Variants in SHTN1 observed in about 807,000 individuals in gnomAD.
SHTN1 encodes the protein shootin-1.
Under a neutral mutation model 83.1 loss-of-function variants are expected in SHTN1, and 42 were observed. That is an observed-to-expected ratio of 0.51 (90% CI 0.39 to 0.65). The LOEUF is 0.65. Ranked by LOEUF, SHTN1 falls within the 30% of genes least tolerant of loss-of-function variation. SHTN1 has a pLI of 0.00. For synonymous variants in SHTN1, 224 were observed against 247.7 expected (o/e 0.90, Z 0.90); for missense variants, 622 against 737.8 (o/e 0.84, Z 1.82).
In SHTN1 at chr10:117,038,440, G is replaced by A. The variant is rs573434267; in HGVS notation, c.-123+10005C>T. 9.6e-4 allele frequency among the ~76,000 whole-genome samples: 146 copies of A among 151,842 alleles called. 2 individuals are homozygous for A. In the South Asian group the frequency reaches 0.022, roughly 23 times the overall value. The stretch of plus-strand genomic sequence containing the variant: ...CAGGCATGAGCCAATGCACCCAGCC[G>A]CAATGACTTTTTAGATACAAAACCA... On this transcript the variant is annotated intron_variant, in intron 2 of 17. Coordinates refer to the SHTN1 transcript ENST00000392901.
chr10:117,053,965 T>C (rs1300980498), intron 1 of SHTN1, among the ~76,000 whole-genome samples: 1 of 152,194 alleles, frequency 6.6e-6, no homozygotes, highest in Non-Finnish European at 1.5e-5. Flanking sequence ...CTTGAAAACA[T>C]TATGCCAAGT....
chr10:116,921,489 T>C lies in SHTN1; in HGVS notation c.1140A>G (p.Arg380=), dbSNP rs1370205001. The C allele has an allele frequency of 6.2e-7, 1 of 1,613,858 alleles. No individual in the cohort carries two copies. The highest frequency in any genetic ancestry group is 8.5e-7 in the Non-Finnish European group (1 of 1,179,860). The change falls in exon 12 of 17, where the codon CGA becomes CGG. Residue 380 remains arginine (R), a synonymous_variant. Transcript: ENST00000355371. ...IRSLMSMIRK[R]SHPSGSGAKK... Reference sequence around the variant, plus strand: ...TAGCACCACTGCCACTGGGGTGGGATCGTTTCCGGATCATGGACATGAGGG... The same window carrying C: ...TAGCACCACTGCCACTGGGGTGGGACCGTTTCCGGATCATGGACATGAGGG...
At chr10:116,957,785 C>A (rs561158664) in intron 4 of SHTN1, among the ~76,000 whole-genome samples, 2 of 152,002 alleles carry the variant, frequency 1.3e-5, no homozygotes, top group Non-Finnish European at 2.9e-5. Flanking sequence ...AGGAACTGGG[C>A]GCAGTGGCTC....
At chr10:117,044,689 A>T (rs1378385998) in intron 2 of SHTN1, among the ~76,000 whole-genome samples, 1 of 152,168 alleles carries the variant, frequency 6.6e-6, no homozygotes, top group Admixed American at 6.5e-5. Flanking sequence ...CATCAGAATT[A>T]AAAAATATAC....
rs1196125539 is a variant in SHTN1, at chr10:116,948,978, T to C, written c.554A>G (p.Glu185Gly). Reference sequence around the variant, plus strand: ...AACTTCTGAATTTAAAACAGTCTTTTCTTGTTTAACTTTATTTACCTAAAA... The same window carrying C: ...AACTTCTGAATTTAAAACAGTCTTTCCTTGTTTAACTTTATTTACCTAAAA... Reference protein sequence around the residue: ...VIEEVNKVKQEKTVLNSEVLE... With the variant: ...VIEEVNKVKQGKTVLNSEVLE... The change falls in exon 7 of 17, where the codon GAA becomes GGA. Residue 185 changes from glutamate to glycine, a missense_variant. Glu to Gly is a moderately conservative substitution (Grantham distance 98). This residue lies in a region of SHTN1 where 383 missense variants were observed against 455.8 expected (regional missense o/e 0.84). Coordinates refer to ENST00000355371, the MANE Select transcript of SHTN1 (RefSeq NM_001127211.3). 6.4e-7 allele frequency: 1 copy of C among 1,563,852 alleles called. No individual in the cohort carries two copies. The highest frequency in any genetic ancestry group is 8.7e-7 in the Non-Finnish European group (1 of 1,155,808).
At chr10:117,122,468 T>C (rs1853944682) in intron 1 of SHTN1, among the ~76,000 whole-genome samples, 1 of 152,206 alleles carries the variant, frequency 6.6e-6, no homozygotes, top group African/African-American at 2.4e-5. Context: ...TGTGAGCCAC[T>C]GCACCTGGCC....
intron 1 of SHTN1, among the ~76,000 whole-genome samples, chr10:116,981,919 C>T (rs972462691): frequency 5.9e-5 from 9 of 151,986 alleles, no homozygotes; most frequent in East Asian, 5.8e-4. Context: ...ATTAGCTGGG[C>T]GTGGTAGCGC....
At chr10:116,963,177 T>G (rs1178864042) in intron 3 of SHTN1, among the ~76,000 whole-genome samples, 1 of 144,376 alleles carries the variant, frequency 6.9e-6, no homozygotes, top group Non-Finnish European at 1.5e-5. Context: ...GTTCACGCCA[T>G]TCTCCTGCCT....
intron 16 of SHTN1, among the ~76,000 whole-genome samples, chr10:116,896,322 T>G (rs1053518007): frequency 6.6e-6 from 1 of 152,172 alleles, no homozygotes; most frequent in African/African-American, 2.4e-5. Flanking sequence ...TTCTTATTTA[T>G]TGCTTGACTT....
At chr10:117,099,581 A>G (rs1440167391) in intron 1 of SHTN1, among the ~76,000 whole-genome samples, 4 of 152,202 alleles carry the variant, frequency 2.6e-5, no homozygotes, top group Non-Finnish European at 4.4e-5. Flanking sequence ...CAAAACTCAC[A>G]TTCTTTTCAC....
chr10:116,917,298 G>C (rs1177970642), intron 12 of SHTN1, among the ~76,000 whole-genome samples: 1 of 152,136 alleles, frequency 6.6e-6, no homozygotes. Context: ...TTATTCCTGA[G>C]AATTTAGAAA....
rs1202819053 is a variant in SHTN1 at position 116,940,458 on chromosome 10, T to C, written c.858+8A>G. ...GTGTACCTAAGATTCCAGAAGAAAA[T>C]GGGTTACCTTTTGTTGATGCTGAAT... is the stretch of plus-strand genomic sequence containing the variant. On this transcript the variant is annotated splice_region_variant and intron_variant, in intron 9 of 16. Coordinates refer to ENST00000355371, the MANE Select transcript of SHTN1 (RefSeq NM_001127211.3). 2 of 1,613,080 alleles carry C rather than the reference T, an allele frequency of 1.2e-6. No individual in the cohort carries two copies. The highest frequency in any genetic ancestry group is 1.3e-5 in the African/African-American group (1 of 74,992).
intron 2 of SHTN1, chr10:116,973,928 C>G: frequency 7.8e-7 from 1 of 1,280,190 alleles, no homozygotes; most frequent in Non-Finnish European, 1.0e-6. Context: ...AATTCTACTG[C>G]TCCACCTATG....
At chr10:117,048,995 T>TAA (rs1338080371) in intron 1 of SHTN1, among the ~76,000 whole-genome samples, 9 of 152,156 alleles carry the variant, frequency 5.9e-5, no homozygotes, top group Non-Finnish European at 1.3e-4. Flanking sequence ...TCTCAATTGG[T>TAA]TCATCTGTCA....
intron 1 of SHTN1, among the ~76,000 whole-genome samples, chr10:117,063,898 CT>C (rs1564946499): frequency 2.0e-5 from 3 of 152,118 alleles, no homozygotes. Flanking sequence ...CAACTTTTAA[CT>C]TTTTTTCTAA....
chr10:116,935,536 GC>G (rs1849126810), intron 9 of SHTN1, among the ~76,000 whole-genome samples: 1 of 152,132 alleles, frequency 6.6e-6, no homozygotes, highest in South Asian at 2.1e-4. Context: ...TGGTAGATAA[GC>G]TTTTGGATGT....
chr10:116,929,070 G>C lies in SHTN1; in HGVS notation c.1012+779C>G, dbSNP rs547215510. On this transcript the variant is annotated intron_variant, in intron 10 of 16. Coordinates refer to ENST00000355371, the MANE Select transcript of SHTN1 (RefSeq NM_001127211.3). ...TATAATCAATTTTCATTGTGGATTA[G>C]AAAGCACTGAATGCTTTTAGAAGGA... Among the ~76,000 whole-genome samples the C allele has an allele frequency of 3.3e-5, 5 of 152,226 alleles. No homozygotes were observed. The East Asian group carries it at 9.6e-4, about 29-fold the overall frequency.
At chr10:117,052,248 A>C (rs1589912429) in intron 1 of SHTN1, among the ~76,000 whole-genome samples, 1 of 151,954 alleles carries the variant, frequency 6.6e-6, no homozygotes, top group East Asian at 1.9e-4. Flanking sequence ...TATACTAAAA[A>C]TGATAAAACA....
chr10:116,911,670 G>A, intron 14 of SHTN1, 120 bp downstream of exon 14: 3 of 1,575,888 alleles, frequency 1.9e-6, no homozygotes, highest in Non-Finnish European at 2.6e-6. Flanking sequence ...ACTGGCCAAA[G>A]ATGAGGCTAA....
Sources: allele counts gnomAD v4.1 joint callset (sites outside exome capture counted in the v4.1 genomes callset), GRCh38; gene constraint gnomAD v4.1.1; regional missense constraint gnomAD v4.1.1; transcripts MANE v1.5; gene names NCBI Gene and HGNC (gene_info 2026-07-23, HGNC 2026-07-21).